The following TRIP12 variants were observed in gnomAD, a reference collection of about 807,000 sequenced individuals.
TRIP12 encodes the protein E3 ubiquitin-protein ligase TRIP12.
TRIP12 carries 25 observed loss-of-function variants against 244.2 expected under a neutral mutation model. The observed-to-expected ratio is 0.10, with a 90% CI of 0.07 to 0.14. The LOEUF (loss-of-function observed/expected upper bound fraction) is 0.14, where lower values mean the gene tolerates loss of function less well. Ranked by LOEUF, TRIP12 falls within the 10% of genes least tolerant of loss-of-function variation. The pLI is 1.00. For synonymous variants in TRIP12, 905 were observed against 873.1 expected, an observed-to-expected ratio of 1.04 and a Z score of -0.64; for missense variants, 1,677 against 2,486.4, an observed-to-expected ratio of 0.67 and a Z score of 6.92.
intron 2 of TRIP12, among the ~76,000 whole-genome samples, chr2:229,862,468 T>G (rs979353327): frequency 3.3e-5 from 5 of 152,234 alleles, no homozygotes; most frequent in Non-Finnish European, 7.3e-5. Context: ...TACATTCTTA[T>G]TTTCTTAAAG....
At chr2:229,848,183 G>T (rs1244358016) in intron 4 of TRIP12, among the ~76,000 whole-genome samples, 1 of 152,142 alleles carries the variant, frequency 6.6e-6, no homozygotes, top group Non-Finnish European at 1.5e-5. Flanking sequence ...CCTCCCTTAT[G>T]TACTCAGAGC....
intron 8 of TRIP12, among the ~76,000 whole-genome samples, chr2:229,819,550 TA>T (rs2154288572): frequency 6.6e-6 from 1 of 152,232 alleles, no homozygotes; most frequent in South Asian, 2.1e-4. Flanking sequence ...ATCTCAAAAT[TA>T]ATTAATTAAT....
intron 1 of TRIP12, among the ~76,000 whole-genome samples, chr2:229,908,825 C>T (rs531002535): frequency 1.3e-5 from 2 of 152,156 alleles, no homozygotes; most frequent in Admixed American, 6.5e-5. Context: ...GACATGATGG[C>T]TCATGCCTGT....
In TRIP12 at chr2:229,799,772, C is replaced by CA. The variant is rs369675716; in HGVS notation, c.3207-390dup. Among the ~76,000 whole-genome samples the CA allele has an allele frequency of 5.9e-3, 760 of 128,114 alleles. 3 individuals are homozygous for CA. The highest frequency in any genetic ancestry group is 0.015 in the African/African-American group (549 of 36,504). 84.0% of individuals were successfully genotyped at this position (128,114 alleles called of 152,430 possible). On this transcript the variant is annotated intron_variant, in intron 21 of 41. Transcript: ENST00000675903. The stretch of plus-strand genomic sequence containing the variant: ...CCTGGGAGATAGTGAGACTCCATCT[C>CA]AAAAAAAAAAAAAATACTGTCATAA...
chr2:229,781,182 G>C (rs2038036773), intron 34 of TRIP12, among the ~76,000 whole-genome samples: 1 of 152,184 alleles, frequency 6.6e-6, no homozygotes, highest in Non-Finnish European at 1.5e-5. Context: ...CCCCCACAGA[G>C]TAACCTGATC....
At chr2:229,903,545 G>A (rs1483551392) in intron 1 of TRIP12, among the ~76,000 whole-genome samples, 2 of 151,930 alleles carry the variant, frequency 1.3e-5, no homozygotes, top group Non-Finnish European at 2.9e-5. Flanking sequence ...CAGAGAGGTG[G>A]CCATGTAGGA....
At position 229,860,340 on chromosome 2, in the gene TRIP12, C is replaced by T. The variant is rs2060261838; in HGVS notation, c.224+66G>A. On this transcript the variant is annotated intron_variant, in intron 3 of 41. Transcript: ENST00000675903. The stretch of plus-strand genomic sequence containing the variant: ...GTTTTGGAATAACCTCAAGTTTTAA[C>T]ATTATGCAATGATTTGAATGCAAAT... The T allele has an allele frequency of 7.8e-6, 12 of 1,531,760 alleles. No individual in the cohort carries two copies. In the Admixed American group the frequency reaches 8.1e-5, roughly 10 times the overall value. 94.9% of individuals were successfully genotyped at this position (1,531,760 alleles called of 1,614,324 possible). A position where few individuals can be genotyped will look rare whatever the true frequency, so the allele number is the denominator to read the frequency against.
rs574836223 is a variant in TRIP12, at chr2:229,882,301, G to C, written c.-49-2173C>G. ...AATAAAATCTAATATATTGGGAAAG[G>C]CTTCACCATAAAAATCACTGTCTAT... On this transcript the variant is annotated intron_variant, in intron 1 of 41. Transcript: ENST00000675903. Among the ~76,000 whole-genome samples, 38 of 152,144 alleles carry C rather than the reference G, an allele frequency of 2.5e-4. No homozygotes were observed. The South Asian group carries it at 7.1e-3, about 28-fold the overall frequency.
intron 27 of TRIP12, 152 bp downstream of exon 27, chr2:229,792,821 C>A: frequency 1.3e-6 from 1 of 781,848 alleles, no homozygotes; most frequent in Non-Finnish European, 1.9e-6. Flanking sequence ...TGACTATATA[C>A]TAAGTAGAAA....
chr2:229,918,735 G>A (rs2154383194), intron 1 of TRIP12, among the ~76,000 whole-genome samples: 1 of 152,290 alleles, frequency 6.6e-6, no homozygotes, highest in South Asian at 2.1e-4. Context: ...CTATAACTCT[G>A]TACCTTCAAC....
Position 229,787,485 on chromosome 2 carries a change from G to T in TRIP12, c.4995+20C>A, listed in dbSNP as rs1270755263. The T allele has an allele frequency of 1.4e-5, 23 of 1,591,696 alleles. No individual in the cohort carries two copies. Among genetic ancestry groups the T allele is most frequent in the Non-Finnish European group, 2.0e-5 (23 of 1,172,904 alleles). On this transcript the variant is annotated intron_variant, in intron 33 of 41. Transcript: ENST00000675903. Reference sequence around the variant, plus strand: ...TTTTGAAAAGCTCAGATTATTTAAAGATTTTGGGGAGAAACTTACTTTTTT... The same window carrying T: ...TTTTGAAAAGCTCAGATTATTTAAATATTTTGGGGAGAAACTTACTTTTTT...
chr2:229,883,914 C>A (rs57215005), intron 1 of TRIP12, among the ~76,000 whole-genome samples: 1 of 151,966 alleles, frequency 6.6e-6, no homozygotes, highest in Non-Finnish European at 1.5e-5. Flanking sequence ...TTCGAGACCA[C>A]CCTGGCCAAC....
chr2:229,819,027 GTAAAAA>G (rs2049211242), intron 8 of TRIP12, among the ~76,000 whole-genome samples: 1 of 139,598 alleles, frequency 7.2e-6, no homozygotes, highest in Non-Finnish European at 1.5e-5. Flanking sequence ...AGAATATTCT[GTAAAAA>G]TAAAAACCAC....
chr2:229,770,690 G>A (rs1458005271), intron 39 of TRIP12, among the ~76,000 whole-genome samples: 1 of 152,156 alleles, frequency 6.6e-6, no homozygotes, highest in Non-Finnish European at 1.5e-5. Flanking sequence ...ATCTTGAACT[G>A]TAACTCCCAC....
chr2:229,803,637 G>C lies in TRIP12; in HGVS notation c.2932C>G (p.Leu978Val). ...SQDLKIVVGA[L>V]QMAEILMQKL... Reference sequence around the variant, plus strand: ...TGCATTAAAATTTCTGCCATCTGAAGTGCTCCCACTACTATCTTCAGGTCT... The same window carrying C: ...TGCATTAAAATTTCTGCCATCTGAACTGCTCCCACTACTATCTTCAGGTCT... Residue 978 changes from leucine (L) to valine (V), a missense_variant, in exon 20 of 42, where the codon CTT (leucine) becomes GTT (valine). This residue lies in a region of TRIP12 where 572 missense variants were observed against 867.8 expected (regional missense o/e 0.66). Transcript: ENST00000675903. 7 of 1,613,660 alleles carry C rather than the reference G, an allele frequency of 4.3e-6. No homozygotes were observed. Among genetic ancestry groups the C allele is most frequent in the Non-Finnish European group, 5.9e-6 (7 of 1,179,834 alleles).
chr2:229,814,962 C>T, intron 11 of TRIP12, 137 bp downstream of exon 11: 1 of 655,468 alleles, frequency 1.5e-6, no homozygotes. Flanking sequence ...CACCTTCAAA[C>T]TATTGATCTG....
chr2:229,772,226 AAAC>A (rs1450261288), intron 38 of TRIP12, among the ~76,000 whole-genome samples: 1 of 152,228 alleles, frequency 6.6e-6, no homozygotes, highest in Non-Finnish European at 1.5e-5. Flanking sequence ...ATGGGTAGAG[AAAC>A]AACATTTTCA....
At chr2:229,908,922 C>T (rs2073638337) in intron 1 of TRIP12, among the ~76,000 whole-genome samples, 1 of 151,180 alleles carries the variant, frequency 6.6e-6, no homozygotes, top group Admixed American at 6.6e-5. Flanking sequence ...CGAGACCCCT[C>T]TACAAAAAAT....
In TRIP12 at chr2:229,906,110, A is replaced by G. The variant is rs2072693734; in HGVS notation, c.-50+15770T>C. ...ACCTGAGGTCAGGAGTTTGAAACCA[A>G]CCTGGCCAACATGGTGAAACCCTGT... On this transcript the variant is annotated intron_variant, in intron 1 of 41. Transcript: ENST00000675903. 2.6e-5 allele frequency among the ~76,000 whole-genome samples: 4 copies of G among 151,954 alleles called. No homozygotes were observed. In the South Asian group the frequency reaches 8.3e-4, roughly 31 times the overall value.
Sources: gnomAD v4.1 joint callset for allele counts (sites outside exome capture counted in the v4.1 genomes callset) on GRCh38, gnomAD v4.1.1 for gene constraint, gnomAD v4.1.1 regional missense constraint, MANE v1.5 for transcripts, NCBI Gene and HGNC (gene_info 2026-07-23, HGNC 2026-07-21) for gene names.